JAK2: variants seen among roughly 807,000 people sequenced by gnomAD.
JAK2 encodes tyrosine-protein kinase JAK2.
Under a neutral mutation model 139.3 loss-of-function variants are expected in JAK2, and 86 were observed. The observed-to-expected ratio is 0.62, with a 90% confidence interval of 0.52 to 0.74. The LOEUF (loss-of-function observed/expected upper bound fraction) is 0.74. Ranked by LOEUF, JAK2 falls within the 30% of genes least tolerant of loss-of-function variation. The pLI is 0.00. For missense variants in JAK2, 1,421 were observed against 1,360.3 expected (o/e 1.04, Z -0.70); for synonymous variants, 490 against 437.7 (o/e 1.12, Z -1.49).
In JAK2 at chr9:4,997,561, A is replaced by G. The variant is rs565105307; in HGVS notation, c.-26+11539A>G. Among the ~76,000 whole-genome samples, 6 of 152,294 alleles carry G rather than the reference A, an allele frequency of 3.9e-5. No homozygotes were observed. The South Asian group carries it at 1.2e-3, about 32-fold the overall frequency. On this transcript the variant is annotated intron_variant, in intron 2 of 24. Transcript: ENST00000381652. Reference sequence around the variant, plus strand: ...TCATGAGAAATCCACCCCCATGATCAAGTCACCTCCCACCAGGCCTCACCT... The same window carrying G: ...TCATGAGAAATCCACCCCCATGATCGAGTCACCTCCCACCAGGCCTCACCT...
At chr9:4,986,244 T>A (rs1245878633) in intron 2 of JAK2, among the ~76,000 whole-genome samples, 1 of 152,216 alleles carries the variant, frequency 6.6e-6, no homozygotes, top group Non-Finnish European at 1.5e-5. Context: ...TTTGTTGGCT[T>A]TACACATAAC....
intron 19 of JAK2, chr9:5,085,769 GTTA>G (rs1820046146): frequency 9.3e-6 from 7 of 754,742 alleles, no homozygotes; most frequent in East Asian, 7.4e-5. Context: ...CATGTCGGGA[GTTA>G]TTATGATGAA....
chr9:5,065,354 C>G (rs145480341), intron 9 of JAK2, among the ~76,000 whole-genome samples: 18 of 152,134 alleles, frequency 1.2e-4, no homozygotes, highest in Admixed American at 3.3e-4. Context: ...TTTTAAAATA[C>G]TGCAAGGAAG....
intron 22 of JAK2, chr9:5,108,725 G>A (rs1295482555): frequency 6.6e-6 from 1 of 151,930 alleles, no homozygotes; most frequent in Non-Finnish European, 1.5e-5. Flanking sequence ...CCCTATGAGG[G>A]ATAGTTATGA....
intron 22 of JAK2, among the ~76,000 whole-genome samples, chr9:5,117,677 A>T (rs1051341183): frequency 1.2e-5 from 1 of 83,778 alleles, no homozygotes; most frequent in Non-Finnish European, 2.4e-5. Context: ...ATAAATTAAT[A>T]AATATTTTTA....
intron 8 of JAK2, among the ~76,000 whole-genome samples, chr9:5,057,185 T>C (rs762439221): frequency 1.3e-5 from 2 of 152,094 alleles, no homozygotes; most frequent in African/African-American, 2.4e-5. Context: ...TGCTGAATTT[T>C]ATTCATGATA....
rs16922589 is a variant in JAK2, at chr9:5,069,264, G to A, written c.1513+56G>A. On this transcript the variant is annotated intron_variant, in intron 11 of 24. Transcript: ENST00000381652. The stretch of plus-strand genomic sequence containing the variant: ...ACTGGTCATGGATTGTTTATGTGGC[G>A]TGAAGTATCTTCAGTACATTGATTT... 1.7e-3 allele frequency: 1,978 copies of A among 1,182,900 alleles called. 17 individuals carry two copies. The African/African-American group carries it at 0.025, about 15-fold the overall frequency. The allele number at this position is 1,182,900 out of a possible 1,614,324, so 73.3% of individuals were successfully genotyped here. A position where few individuals can be genotyped will look rare whatever the true frequency, so the allele number is the denominator to read the frequency against.
At chr9:5,034,381 C>T (rs1280501761) in intron 4 of JAK2, among the ~76,000 whole-genome samples, 1 of 152,120 alleles carries the variant, frequency 6.6e-6, no homozygotes, top group African/African-American at 2.4e-5. Context: ...CAGCTCTGGA[C>T]CAAGCAGACC....
chr9:5,057,116 T>G (rs1323318371), intron 8 of JAK2, among the ~76,000 whole-genome samples: 1 of 152,170 alleles, frequency 6.6e-6, no homozygotes, highest in South Asian at 2.1e-4. Flanking sequence ...ATACAAGTAT[T>G]ATTTTATGTT....
intron 4 of JAK2, among the ~76,000 whole-genome samples, chr9:5,032,679 G>C (rs7042879): frequency 0.011 from 1,617 of 152,318 alleles, 29 homozygotes; most frequent in African/African-American, 0.038. Context: ...ACCTGCAGCA[G>C]AGGGTCCTGA....
chr9:5,070,098 C>G, intron 12 of JAK2, 46 bp downstream of exon 12: 1 of 1,386,414 alleles, frequency 7.2e-7, no homozygotes, highest in Non-Finnish European at 1.0e-6. Context: ...CCTTTTAAAA[C>G]AACATCTGTT....
At chr9:5,124,270 A>G (rs578141905) in intron 23 of JAK2, among the ~76,000 whole-genome samples, 2 of 151,936 alleles carry the variant, frequency 1.3e-5, no homozygotes, top group South Asian at 2.1e-4. Flanking sequence ...GGTCTTTGCC[A>G]TGAATTCTTT....
At chr9:5,108,277 T>A (rs1251790393) in intron 22 of JAK2, 1 of 152,136 alleles carries the variant, frequency 6.6e-6, no homozygotes, top group East Asian at 1.9e-4. Flanking sequence ...ATATTTTATA[T>A]TTTCTTTGAA....
chr9:5,111,573 A>T, intron 22 of JAK2: 1 of 362,110 alleles, frequency 2.8e-6, no homozygotes, highest in Non-Finnish European at 5.4e-6. Flanking sequence ...GGCAGCCTGC[A>T]CCCCTAAGCC....
At chr9:5,080,165 T>G (rs41306104) in intron 16 of JAK2, 64 bp from the exon 17 acceptor site, 31 of 1,229,390 alleles carry the variant, frequency 2.5e-5, no homozygotes, top group Middle Eastern at 2.0e-4. Context: ...TAAAGCTATT[T>G]ACATATAAAA....
At position 4,995,356 on chromosome 9, in the gene JAK2, A is replaced by T. The variant is rs557375456; in HGVS notation, c.-26+9334A>T. On this transcript the variant is annotated intron_variant, in intron 2 of 24. Coordinates refer to ENST00000381652, the MANE Select transcript of JAK2 (RefSeq NM_004972.4). ...AGATAGTGTGATTTTGTTGTTGTGC[A>T]TCTAGGTAGGTTCCTTCTAACCCTG... Among the ~76,000 whole-genome samples, 15 of 152,298 alleles carry T rather than the reference A, an allele frequency of 9.8e-5. 1 individual carries two copies. The East Asian group carries it at 2.9e-3, about 29-fold the overall frequency.
chr9:5,112,761 T>C, intron 22 of JAK2: 1 of 628,232 alleles, frequency 1.6e-6, no homozygotes, highest in Non-Finnish European at 2.5e-6. Context: ...GAAGAGAAGG[T>C]GTCGCGCGTG....
intron 22 of JAK2, among the ~76,000 whole-genome samples, chr9:5,117,401 G>T (rs1823279424): frequency 6.6e-6 from 1 of 152,204 alleles, no homozygotes; most frequent in African/African-American, 2.4e-5. Flanking sequence ...TTTTGTTATA[G>T]AACAGCAGTT....
intron 4 of JAK2, among the ~76,000 whole-genome samples, chr9:5,037,447 G>A (rs1465384492): frequency 1.3e-5 from 2 of 152,154 alleles, no homozygotes; most frequent in African/African-American, 4.8e-5. Flanking sequence ...ACAAAGACTT[G>A]GAACCAAGCT....
Sources: gnomAD v4.1 joint callset for allele counts (sites outside exome capture counted in the v4.1 genomes callset) on GRCh38, gnomAD v4.1.1 for gene constraint, MANE v1.5 for transcripts, NCBI Gene and HGNC (gene_info 2026-07-23, HGNC 2026-07-21) for gene names.